Variants in FBXL17 observed in about 807,000 individuals in gnomAD.
The protein encoded by FBXL17 is F-box/LRR-repeat protein 17.
Under a neutral mutation model 66.2 loss-of-function variants are expected in FBXL17, and 22 were observed. That is an observed-to-expected ratio of 0.33 (90% CI 0.24 to 0.47). The LOEUF is 0.47. FBXL17 is among the 20% of genes least tolerant of loss of function. The pLI, the probability that FBXL17 is intolerant of heterozygous loss-of-function variation, is 1.00. For synonymous variants in FBXL17, 474 were observed against 400.5 expected, an observed-to-expected ratio of 1.18 and a Z score of -2.19; for missense variants, 878 against 948.2, an observed-to-expected ratio of 0.93 and a Z score of 0.97.
intron 7 of FBXL17, among the ~76,000 whole-genome samples, chr5:108,012,875 C>T (rs943867240): frequency 1.2e-4 from 18 of 151,950 alleles, no homozygotes; most frequent in East Asian, 9.7e-4. Flanking sequence ...ATTAGCCGGG[C>T]GTGGTGGCAC....
chr5:108,164,162 A>C (rs1752324945), intron 6 of FBXL17, among the ~76,000 whole-genome samples: 1 of 152,260 alleles, frequency 6.6e-6, no homozygotes, highest in Non-Finnish European at 1.5e-5. Context: ...CACTGAAAGA[A>C]AGAAAATATC....
At chr5:107,883,962 G>A (rs537101062) in intron 7 of FBXL17, among the ~76,000 whole-genome samples, 21 of 152,308 alleles carry the variant, frequency 1.4e-4, no homozygotes, top group African/African-American at 5.1e-4. Context: ...AAGTAGAGAT[G>A]AGAAAGGACA....
In FBXL17 at chr5:108,381,910, A is replaced by G; in HGVS notation, c.-219T>C. The G allele has an allele frequency of 7.9e-7, 1 of 1,264,552 alleles. No homozygotes were observed. Among genetic ancestry groups the G allele is most frequent in the Non-Finnish European group, 1.0e-6 (1 of 1,005,024 alleles). The allele number at this position is 1,264,552 out of a possible 1,614,324, so 78.3% of individuals were successfully genotyped here. ...CGGGGGCTACATGCTTTGCCCAGGG[A>G]AGCCGGGAGAACGATGGGCGCGAGC... is the stretch of plus-strand genomic sequence containing the variant. On this transcript the variant is annotated 5_prime_UTR_variant, in exon 1 of 9. Coordinates refer to ENST00000542267, the MANE Select transcript of FBXL17 (RefSeq NM_001163315.3).
At chr5:108,246,961 T>C (rs1038793807) in intron 4 of FBXL17, among the ~76,000 whole-genome samples, 7 of 152,188 alleles carry the variant, frequency 4.6e-5, no homozygotes, top group Non-Finnish European at 1.0e-4. Context: ...ATTCACTATA[T>C]TCAGAGTATA....
At chr5:108,266,909 T>G (rs1301727899) in intron 4 of FBXL17, among the ~76,000 whole-genome samples, 1 of 152,104 alleles carries the variant, frequency 6.6e-6, no homozygotes, top group African/African-American at 2.4e-5. Context: ...TCTACTGGGA[T>G]CCCTCATGGA....
intron 6 of FBXL17, among the ~76,000 whole-genome samples, chr5:108,172,458 G>T (rs1414970112): frequency 6.6e-6 from 1 of 152,182 alleles, no homozygotes; most frequent in Non-Finnish European, 1.5e-5. Flanking sequence ...TAAAAATACA[G>T]CCAGAAATTG....
intron 7 of FBXL17, among the ~76,000 whole-genome samples, chr5:107,944,765 C>T (rs903784833): frequency 3.3e-5 from 5 of 151,920 alleles, no homozygotes; most frequent in Non-Finnish European, 5.9e-5. Flanking sequence ...AAACGTATAT[C>T]CAATTTTTTA....
In FBXL17 at chr5:108,184,747, C is replaced by CAAAA. The variant is rs34512714; in HGVS notation, c.1745+1366_1745+1369dup. On this transcript the variant is annotated intron_variant, in intron 6 of 8. Transcript: ENST00000542267. ...CGGGTGCCAAAGCAAGACTCGGTCTCAAAAAAAAAAAAAAAAAAAAAGAGG... is the reference window on the plus strand; with the variant it reads ...CGGGTGCCAAAGCAAGACTCGGTCTCAAAAAAAAAAAAAAAAAAAAAAAAAGAGG... Among the ~76,000 whole-genome samples the CAAAA allele has an allele frequency of 0.025, 2,011 of 81,466 alleles. 185 individuals carry two copies. In the East Asian group the frequency reaches 0.33, roughly 13 times the overall value. 53.4% of individuals were successfully genotyped at this position (81,466 alleles called of 152,430 possible).
At chr5:107,870,786 T>G (rs906474783) in intron 8 of FBXL17, among the ~76,000 whole-genome samples, 2 of 151,804 alleles carry the variant, frequency 1.3e-5, no homozygotes, top group African/African-American at 2.4e-5. Flanking sequence ...GGGGTTTCAC[T>G]GTATTAACCA....
chr5:108,361,677 A>G (rs1748345752), intron 3 of FBXL17, among the ~76,000 whole-genome samples: 1 of 152,178 alleles, frequency 6.6e-6, no homozygotes, highest in Non-Finnish European at 1.5e-5. Context: ...TGCCCAAAGA[A>G]GCTTGCTCAA....
intron 6 of FBXL17, among the ~76,000 whole-genome samples, chr5:108,109,969 T>C (rs1749966813): frequency 6.6e-6 from 1 of 152,202 alleles, no homozygotes; most frequent in Non-Finnish European, 1.5e-5. Context: ...TTCCTTATAA[T>C]GAATATTTCC....
At chr5:107,866,005 C>G (rs2112481153) in intron 8 of FBXL17, among the ~76,000 whole-genome samples, 1 of 152,218 alleles carries the variant, frequency 6.6e-6, no homozygotes, top group East Asian at 1.9e-4. Context: ...ATGCACAACT[C>G]CACTTGCTAG....
chr5:108,055,482 G>A (rs1335702117), intron 6 of FBXL17, among the ~76,000 whole-genome samples: 67 of 150,504 alleles, frequency 4.5e-4, no homozygotes, highest in African/African-American at 1.5e-3. Flanking sequence ...GGTGGTGGGC[G>A]CCTGTAGTCC....
rs149392442 is a variant in FBXL17 at position 108,038,054 on chromosome 5, C to A, written c.1746-17053G>T. On this transcript the variant is annotated intron_variant, in intron 6 of 8. Transcript: ENST00000542267. Reference sequence around the variant, plus strand: ...AATACAGAATGAAAGAAATTTTGCACGACAAATGATTCATGTTCTTCAACA... The same window carrying A: ...AATACAGAATGAAAGAAATTTTGCAAGACAAATGATTCATGTTCTTCAACA... 2.7e-4 allele frequency among the ~76,000 whole-genome samples: 41 copies of A among 152,098 alleles called. No individual in the cohort carries two copies. In the East Asian group the frequency reaches 7.7e-3, roughly 29 times the overall value.
In FBXL17 at chr5:108,382,014, T is replaced by G; in HGVS notation, c.-323A>C. ...GGGCCCGGCCAGCCGGCTCAGTCAGTCAGCGGAGCGGCCGGGGAAAGGCCG... is the reference window on the plus strand; with the variant it reads ...GGGCCCGGCCAGCCGGCTCAGTCAGGCAGCGGAGCGGCCGGGGAAAGGCCG... On this transcript the variant is annotated 5_prime_UTR_variant, in exon 1 of 9. Transcript: ENST00000542267. 1 of 1,106,924 alleles carries G rather than the reference T, an allele frequency of 9.0e-7. No homozygotes were observed. The highest frequency in any genetic ancestry group is 1.6e-5 in the African/African-American group (1 of 61,450). The allele number at this position is 1,106,924 out of a possible 1,614,324, so 68.6% of individuals were successfully genotyped here.
rs182653145 is a variant in FBXL17, at chr5:108,118,054, T to G, written c.1745+68063A>C. Among the ~76,000 whole-genome samples the G allele has an allele frequency of 1.8e-3, 276 of 152,304 alleles. 1 individual carries two copies. The highest frequency in any genetic ancestry group is 1.7e-3 in the Non-Finnish European group (116 of 68,026). On this transcript the variant is annotated intron_variant, in intron 6 of 8. Transcript: ENST00000542267. The stretch of plus-strand genomic sequence containing the variant: ...CATAATACCTGGCAGGTGGGCTAAC[T>G]TAATGATATGGTATAGTTCTACCTC...
intron 7 of FBXL17, among the ~76,000 whole-genome samples, chr5:107,980,720 G>A (rs1327072784): frequency 1.5e-5 from 2 of 133,548 alleles, no homozygotes; most frequent in Non-Finnish European, 1.5e-5. Flanking sequence ...GCAGTGGCGC[G>A]ATCTCGGCTC....
At chr5:107,975,847 T>C (rs1378426308) in intron 7 of FBXL17, among the ~76,000 whole-genome samples, 1 of 62,330 alleles carries the variant, frequency 1.6e-5, no homozygotes, top group Non-Finnish European at 3.0e-5. Flanking sequence ...AGAGGGTTTT[T>C]GTTGTTGTTG....
At chr5:108,217,658 C>T (rs979499669) in intron 5 of FBXL17, among the ~76,000 whole-genome samples, 7 of 152,124 alleles carry the variant, frequency 4.6e-5, no homozygotes, top group Admixed American at 1.3e-4. Flanking sequence ...ACTATATGTA[C>T]TATGTACTAT....
Sources: gnomAD v4.1 joint callset for allele counts (sites outside exome capture counted in the v4.1 genomes callset) on GRCh38, gnomAD v4.1.1 for gene constraint, MANE v1.5 for transcripts, NCBI Gene and HGNC (gene_info 2026-07-23, HGNC 2026-07-21) for gene names.